Variants in SENP5 observed in about 807,000 individuals in gnomAD.
SENP5 encodes sentrin-specific protease 5.
SENP5 carries 21 observed loss-of-function variants against 74.2 expected under a neutral mutation model. That is an observed-to-expected ratio of 0.28 (90% CI 0.20 to 0.41). The LOEUF (loss-of-function observed/expected upper bound fraction) is 0.41, where lower values mean the gene tolerates loss of function less well. Ranked by LOEUF, SENP5 falls within the 10% of genes least tolerant of loss-of-function variation. The pLI, the probability that SENP5 is intolerant of heterozygous loss-of-function variation, is 1.00. For missense variants in SENP5, 717 were observed against 889.1 expected, an observed-to-expected ratio of 0.81 and a Z score of 2.46; for synonymous variants, 311 against 312.7, an observed-to-expected ratio of 0.99 and a Z score of 0.06.
intron 8 of SENP5, among the ~76,000 whole-genome samples, 193 bp downstream of exon 8, chr3:196,928,072 A>G (rs1232577968): frequency 6.6e-6 from 1 of 152,088 alleles, no homozygotes; most frequent in African/African-American, 2.4e-5. Context: ...GCTTCCCGGG[A>G]GCAAATCACT....
At chr3:196,892,231 C>T (rs111755969) in intron 2 of SENP5, among the ~76,000 whole-genome samples, 34,271 of 152,100 alleles carry the variant, frequency 0.23, 4,012 homozygotes, top group African/African-American at 0.29. Flanking sequence ...GCAAACTCCG[C>T]CTCCCGGGTT....
At chr3:196,913,622 G>A (rs1372096907) in intron 6 of SENP5, among the ~76,000 whole-genome samples, 1 of 146,224 alleles carries the variant, frequency 6.8e-6, no homozygotes, top group Non-Finnish European at 1.5e-5. Flanking sequence ...AGAAGACTCA[G>A]TGATGAAAAG....
intron 6 of SENP5, among the ~76,000 whole-genome samples, chr3:196,904,459 T>G (rs1211408906): frequency 6.6e-6 from 1 of 152,166 alleles, no homozygotes; most frequent in Non-Finnish European, 1.5e-5. Context: ...TAGGCCCTGG[T>G]AAAGAGTTTG....
chr3:196,884,087 A>C (rs890864124), intron 1 of SENP5, among the ~76,000 whole-genome samples: 2 of 152,246 alleles, frequency 1.3e-5, no homozygotes, highest in Non-Finnish European at 2.9e-5. Context: ...TAATTTGCTC[A>C]TAGCAAAATA....
chr3:196,883,749 C>T (rs762672961), intron 1 of SENP5, among the ~76,000 whole-genome samples: 22 of 151,910 alleles, frequency 1.4e-4, no homozygotes, highest in Non-Finnish European at 2.6e-4. Flanking sequence ...AGTGCAGTGG[C>T]GCAATCTTGG....
Position 196,918,230 on chromosome 3 carries a change from C to G in SENP5, c.1885-5184C>G, listed in dbSNP as rs553704999. Among the ~76,000 whole-genome samples, 31 of 151,384 alleles carry G rather than the reference C, an allele frequency of 2.0e-4. No homozygotes were observed. The South Asian group carries it at 6.0e-3, about 30-fold the overall frequency. On this transcript the variant is annotated intron_variant, in intron 6 of 9. Transcript: ENST00000323460. ...GCTGAGGCAGGAGAATGGCGTGAACCTGGGAGGCGGAGCTTGCAGTGAGCC... is the reference window on the plus strand; with the variant it reads ...GCTGAGGCAGGAGAATGGCGTGAACGTGGGAGGCGGAGCTTGCAGTGAGCC...
intron 2 of SENP5, among the ~76,000 whole-genome samples, chr3:196,888,055 G>A (rs1378432055): frequency 3.3e-5 from 5 of 152,182 alleles, no homozygotes. Context: ...TTACAGGCAT[G>A]AGCCACTGCG....
Position 196,885,670 on chromosome 3 carries a change from T to G in SENP5, c.489T>G (p.Pro163=). The change falls in exon 2 of 10, where the codon CCT becomes CCG. Residue 163 remains proline, a synonymous_variant. Transcript: ENST00000323460. ...ACAGACCTAGGACAGACCCACAACC[T>G]TCTGACTTTCCCATGAAGTTCAATG... The part of the protein sequence containing the change: ...NGHRPRTDPQ[P]SDFPMKFNGE... 6.2e-7 allele frequency: 1 copy of G among 1,614,220 alleles called. No individual in the cohort carries two copies. The highest frequency in any genetic ancestry group is 8.5e-7 in the Non-Finnish European group (1 of 1,180,050).
rs1716088183 is a variant in SENP5 at position 196,932,896 on chromosome 3, A to G, written c.*1973A>G. 1.3e-5 allele frequency: 2 copies of G among 151,804 alleles called. No individual in the cohort carries two copies. Among genetic ancestry groups the G allele is most frequent in the Admixed American group, 1.3e-4 (2 of 15,236 alleles). The allele number at this position is 151,804 out of a possible 1,614,324, so 9.4% of individuals were successfully genotyped here. A position where few individuals can be genotyped will look rare whatever the true frequency, so the allele number is the denominator to read the frequency against. ...GAGACAGAATTGTTCCTGTAAGAAA[A>G]TCAACGCCGAGAGAGAGCTGCCCAA... On this transcript the variant is annotated 3_prime_UTR_variant, in exon 10 of 10. Transcript: ENST00000323460.
chr3:196,885,553 G>A lies in SENP5; in HGVS notation c.372G>A (p.Lys124=). 6.2e-7 allele frequency: 1 copy of A among 1,614,148 alleles called. No homozygotes were observed. Residue 124 remains lysine (K), a synonymous_variant, in exon 2 of 10, where the codon AAG becomes AAA. Transcript: ENST00000323460. ...CAGAGAAGCTGTTGTCATCAGCAAAGAATTCTGACCATGAATACTGCAGAG... is the reference window on the plus strand; with the variant it reads ...CAGAGAAGCTGTTGTCATCAGCAAAAAATTCTGACCATGAATACTGCAGAG... ...LQAEKLLSSA[K]NSDHEYCREK...
Position 196,885,972 on chromosome 3 carries a change from A to G in SENP5, c.791A>G (p.Gln264Arg), listed in dbSNP as rs572037853. Residue 264 changes from glutamine (Q) to arginine (R), a missense_variant, in exon 2 of 10, where the codon CAG becomes CGG. Physicochemically the swap from Gln to Arg is conservative, Grantham distance 43. This residue lies in a region of SENP5 where 567 missense variants were observed against 577.4 expected (regional missense o/e 0.98). Transcript: ENST00000323460. ...AAGGTTTGCAAGCTAAGAAAAGCCC[A>G]GCGAAGCTGGGTACAGAAAGTCACT... ...KSKVCKLRKA[Q>R]RSWVQKVTGD... 29 of 1,614,218 alleles carry G rather than the reference A, an allele frequency of 1.8e-5. No individual in the cohort carries two copies. In the South Asian group the frequency reaches 3.1e-4, roughly 17 times the overall value.
chr3:196,894,552 T>C (rs1714361462), intron 2 of SENP5, among the ~76,000 whole-genome samples: 1 of 152,082 alleles, frequency 6.6e-6, no homozygotes, highest in South Asian at 2.1e-4. Context: ...TTTTTTAAAT[T>C]TATTCCCATG....
intron 1 of SENP5, among the ~76,000 whole-genome samples, chr3:196,868,457 C>T (rs1713034026): frequency 6.6e-6 from 1 of 152,246 alleles, no homozygotes; most frequent in Non-Finnish European, 1.5e-5. Flanking sequence ...TGCCTCCTTC[C>T]GGCCTTCGTT....
chr3:196,890,844 A>G (rs959409801), intron 2 of SENP5, among the ~76,000 whole-genome samples: 1 of 152,212 alleles, frequency 6.6e-6, no homozygotes, highest in Non-Finnish European at 1.5e-5. Context: ...AACTCACACT[A>G]AATTTAGTGT....
At chr3:196,871,520 A>G (rs1713214437) in intron 1 of SENP5, among the ~76,000 whole-genome samples, 1 of 152,150 alleles carries the variant, frequency 6.6e-6, no homozygotes, top group Non-Finnish European at 1.5e-5. Flanking sequence ...CTCTGAAACT[A>G]CTTGAGACTA....
In SENP5 at chr3:196,882,171, T is replaced by C. The variant is rs567956108; in HGVS notation, c.-31-2980T>C. Among the ~76,000 whole-genome samples, 135 of 152,164 alleles carry C rather than the reference T, an allele frequency of 8.9e-4. 2 individuals carry two copies. The South Asian group carries it at 0.013, about 14-fold the overall frequency. ...GTCTTGGCCTCCCAAAGTGCTGGGATTATAGGTGTGAGCCACCACACTCAG... is the reference window on the plus strand; with the variant it reads ...GTCTTGGCCTCCCAAAGTGCTGGGACTATAGGTGTGAGCCACCACACTCAG... On this transcript the variant is annotated intron_variant, in intron 1 of 9. Coordinates refer to ENST00000323460, the MANE Select transcript of SENP5 (RefSeq NM_152699.5).
chr3:196,880,745 A>T (rs1372468682), intron 1 of SENP5, among the ~76,000 whole-genome samples: 1 of 148,772 alleles, frequency 6.7e-6, no homozygotes, highest in Non-Finnish European at 1.5e-5. Flanking sequence ...GGGTTCAAGC[A>T]ATTCTCCTGC....
rs1016847220 is a variant in SENP5, at chr3:196,916,167, A to G, written c.1885-7247A>G. ...TGGTAAAACCCTTTCTCTACTAAAA[A>G]TACAAAAAAATTAGCTGGGCGTGGT... On this transcript the variant is annotated intron_variant, in intron 6 of 9. Coordinates refer to ENST00000323460, the MANE Select transcript of SENP5 (RefSeq NM_152699.5). 2.0e-5 allele frequency among the ~76,000 whole-genome samples: 3 copies of G among 152,000 alleles called. No homozygotes were observed. In the East Asian group the frequency reaches 5.8e-4, roughly 29 times the overall value.
At chr3:196,885,051 G>T in intron 1 of SENP5, 100 bp from the exon 2 acceptor site, 1 of 672,710 alleles carries the variant, frequency 1.5e-6, no homozygotes, top group Non-Finnish European at 2.5e-6. Flanking sequence ...TGAAGTATAT[G>T]TACTCTTTTT....
Sources: allele counts gnomAD v4.1 joint callset (sites outside exome capture counted in the v4.1 genomes callset), GRCh38; gene constraint gnomAD v4.1.1; regional missense constraint gnomAD v4.1.1; transcripts MANE v1.5; gene names NCBI Gene and HGNC (gene_info 2026-07-23, HGNC 2026-07-21).